Variants in NDST4 observed in about 807,000 individuals in gnomAD.
NDST4 encodes N-deacetylase and N-sulfotransferase 4, also known as N-heparan sulfate sulfotransferase 4.
Under a neutral mutation model 100.8 loss-of-function variants are expected in NDST4, and 63 were observed. That is an observed-to-expected ratio of 0.62 (90% CI 0.51 to 0.77). NDST4 has a LOEUF of 0.77. Ranked by LOEUF, NDST4 falls within the 30% of genes least tolerant of loss-of-function variation. The probability of loss-of-function intolerance (pLI) is 0.00; values close to 1 mark genes in which losing one functional copy is unlikely to be tolerated. For synonymous variants in NDST4, 377 were observed against 361.8 expected (o/e 1.04, Z -0.48); for missense variants, 943 against 1,018.4 (o/e 0.93, Z 1.01).
chr4:115,087,550 G>T (rs542061542), intron 1 of NDST4, among the ~76,000 whole-genome samples: 2 of 151,458 alleles, frequency 1.3e-5, no homozygotes, highest in African/African-American at 4.9e-5. Flanking sequence ...TAAAGTTACT[G>T]ACTTAAGCTT....
Position 114,845,919 on chromosome 4 carries a change from C to G in NDST4, c.2019G>C (p.Ser673=). ...ATGCGGCTCGTCTTGGAGCTTCTTCCGAATGGAAGTAATTAGCACTCTTTT... is the reference window on the plus strand; with the variant it reads ...ATGCGGCTCGTCTTGGAGCTTCTTCGGAATGGAAGTAATTAGCACTCTTTT... The part of the protein sequence containing the change: ...LFEKSANYFH[S]EEAPRRAASL... The change falls in exon 10 of 14, where the codon TCG becomes TCC. Residue 673 remains serine, a synonymous_variant. Coordinates refer to ENST00000264363, the MANE Select transcript of NDST4 (RefSeq NM_022569.3). The G allele has an allele frequency of 6.2e-7, 1 of 1,613,848 alleles. No homozygotes were observed. Among genetic ancestry groups the G allele is most frequent in the East Asian group, 2.2e-5 (1 of 44,870 alleles).
In NDST4 at chr4:115,076,701, A is replaced by C; in HGVS notation, c.336T>G (p.Pro112=). The change falls in exon 2 of 14, where the codon CCT becomes CCG. Residue 112 remains proline (P), a synonymous_variant. Transcript: ENST00000264363. ...TAAGAGGAGGTATATCTCCCTTTCCAGGGGCAATAACCATGTGGTACTGAA... is the reference window on the plus strand; with the variant it reads ...TAAGAGGAGGTATATCTCCCTTTCCCGGGGCAATAACCATGTGGTACTGAA... ...SRFQYHMVIA[P]GKGDIPPLTD... is the part of the protein sequence containing the mutation. 1 of 1,613,912 alleles carries C rather than the reference A, an allele frequency of 6.2e-7. No homozygotes were observed. Among genetic ancestry groups the C allele is most frequent in the Non-Finnish European group, 8.5e-7 (1 of 1,179,920 alleles).
In NDST4 at chr4:114,869,128, C is replaced by T. The variant is rs75970772; in HGVS notation, c.1719+1640G>A. Among the ~76,000 whole-genome samples the T allele has an allele frequency of 1.2e-3, 183 of 151,478 alleles. 1 individual carries two copies. The East Asian group carries it at 0.034, about 28-fold the overall frequency. On this transcript the variant is annotated intron_variant, in intron 7 of 13. Transcript: ENST00000264363. ...TCATGTTGCCCAAATCATATTGGAG[C>T]TGGCATATCTTTGATTATATTTATT... is the stretch of plus-strand genomic sequence containing the variant.
At chr4:115,039,655 T>C (rs1364948851) in intron 2 of NDST4, among the ~76,000 whole-genome samples, 1 of 152,132 alleles carries the variant, frequency 6.6e-6, no homozygotes, top group Non-Finnish European at 1.5e-5. Context: ...ATGTACACCA[T>C]GTCCCATGTC....
chr4:115,043,275 A>T, intron 2 of NDST4, among the ~76,000 whole-genome samples: 1 of 152,086 alleles, frequency 6.6e-6, no homozygotes, highest in East Asian at 1.9e-4. Context: ...TGGCAGAAGT[A>T]TTATAAAAAA....
chr4:115,015,011 C>T (rs1353810138), intron 2 of NDST4, among the ~76,000 whole-genome samples: 1 of 152,044 alleles, frequency 6.6e-6, no homozygotes, highest in Admixed American at 6.6e-5. Context: ...GTCAAGTCCT[C>T]ACAATACATT....
chr4:114,913,265 T>A (rs1725099456), intron 6 of NDST4, among the ~76,000 whole-genome samples: 1 of 151,998 alleles, frequency 6.6e-6, no homozygotes, highest in Non-Finnish European at 1.5e-5. Flanking sequence ...TAATTTAGAG[T>A]GATTGCAAAT....
chr4:115,020,880 A>T (rs1213994729), intron 2 of NDST4, among the ~76,000 whole-genome samples: 2 of 152,064 alleles, frequency 1.3e-5, no homozygotes, highest in Non-Finnish European at 2.9e-5. Flanking sequence ...TTACTCCTGC[A>T]AGAATGGCCA....
chr4:114,934,563 A>T (rs1478474149), intron 6 of NDST4, among the ~76,000 whole-genome samples: 2 of 150,026 alleles, frequency 1.3e-5, no homozygotes, highest in South Asian at 2.1e-4. Flanking sequence ...CAAAAAAAAA[A>T]AAATAAAATA....
chr4:115,006,756 G>A (rs1560855652), intron 2 of NDST4, among the ~76,000 whole-genome samples: 1 of 152,194 alleles, frequency 6.6e-6, no homozygotes, highest in East Asian at 1.9e-4. Context: ...GTCTGGTGAA[G>A]TTGAAACCAT....
chr4:115,033,664 A>G (rs1560574494), intron 2 of NDST4, among the ~76,000 whole-genome samples: 1 of 152,104 alleles, frequency 6.6e-6, no homozygotes, highest in Non-Finnish European at 1.5e-5. Context: ...ATTATTCATT[A>G]AGTGAATAGT....
At chr4:114,999,783 G>A (rs1248472707) in intron 2 of NDST4, among the ~76,000 whole-genome samples, 3 of 151,942 alleles carry the variant, frequency 2.0e-5, no homozygotes, top group Non-Finnish European at 4.4e-5. Flanking sequence ...GAAGTCAGGA[G>A]GAAAGGAATT....
chr4:115,040,343 G>A (rs1252165315), intron 2 of NDST4, among the ~76,000 whole-genome samples: 1 of 147,772 alleles, frequency 6.8e-6, no homozygotes, highest in African/African-American at 2.5e-5. Flanking sequence ...ATCCATACGA[G>A]ATACATCTTA....
At chr4:114,955,312 C>A (rs1726113662) in intron 4 of NDST4, among the ~76,000 whole-genome samples, 1 of 152,002 alleles carries the variant, frequency 6.6e-6, no homozygotes. Context: ...CTGTAGTCAT[C>A]AATGAGTAAG....
At chr4:114,914,336 T>A (rs1323319073) in intron 6 of NDST4, among the ~76,000 whole-genome samples, 1 of 152,166 alleles carries the variant, frequency 6.6e-6, no homozygotes, top group Non-Finnish European at 1.5e-5. Context: ...GTTGGATTGC[T>A]TGTAACACAG....
chr4:115,071,401 G>T (rs1179049662), intron 2 of NDST4, among the ~76,000 whole-genome samples: 1 of 151,796 alleles, frequency 6.6e-6, no homozygotes, highest in Non-Finnish European at 1.5e-5. Context: ...TCTAATTGTG[G>T]AAGTGGCCAA....
At chr4:115,084,336 T>G (rs1729365842) in intron 1 of NDST4, among the ~76,000 whole-genome samples, 1 of 152,096 alleles carries the variant, frequency 6.6e-6, no homozygotes, top group African/African-American at 2.4e-5. Flanking sequence ...AGCATGAAAA[T>G]TTGGAAAATT....
intron 2 of NDST4, among the ~76,000 whole-genome samples, chr4:115,043,176 T>C (rs1728390176): frequency 6.8e-6 from 1 of 148,026 alleles, no homozygotes; most frequent in Admixed American, 6.6e-5. Flanking sequence ...AATATAACTT[T>C]AAAAATAAAA....
chr4:115,010,879 T>C (rs558810426), intron 2 of NDST4, among the ~76,000 whole-genome samples: 2 of 152,156 alleles, frequency 1.3e-5, no homozygotes, highest in African/African-American at 4.8e-5. Context: ...CACTTACTAA[T>C]AAAAAGTTAT....
Sources: gnomAD v4.1 joint callset for allele counts (sites outside exome capture counted in the v4.1 genomes callset) on GRCh38, gnomAD v4.1.1 for gene constraint, MANE v1.5 for transcripts, NCBI Gene and HGNC (gene_info 2026-07-23, HGNC 2026-07-21) for gene names.